Variants in PIEZO2 observed in about 807,000 individuals in gnomAD.
The protein encoded by PIEZO2 is piezo-type mechanosensitive ion channel component 2.
Under a neutral mutation model 337.3 loss-of-function variants are expected in PIEZO2, and 172 were observed. The observed-to-expected ratio is 0.51, with a 90% CI of 0.45 to 0.58. The LOEUF (loss-of-function observed/expected upper bound fraction) is 0.58, where lower values mean the gene tolerates loss of function less well. Among genes scored for constraint, PIEZO2 ranks in the 20% least tolerant of loss-of-function variants. The pLI, the probability that PIEZO2 is intolerant of heterozygous loss-of-function variation, is 0.00. For missense variants in PIEZO2, 3,028 were observed against 3,391.3 expected, an observed-to-expected ratio of 0.89 and a Z score of 2.66; for synonymous variants, 1,251 against 1,228.5, an observed-to-expected ratio of 1.02 and a Z score of -0.38.
chr18:10,903,645 C>A lies in PIEZO2; in HGVS notation c.329+7541G>T, dbSNP rs1215120440. ...CCGAGATCACACCACTGCACTCCAG[C>A]CTGGGCGACAGAGCAAGACTCCATC... On this transcript the variant is annotated intron_variant, in intron 4 of 55. Transcript: ENST00000674853. This position sits in a 1 kb window ranked among gnomAD's most constrained non-coding sequence, Gnocchi z 4.1. Among the ~76,000 whole-genome samples, 2 of 152,074 alleles carry A rather than the reference C, an allele frequency of 1.3e-5. No homozygotes were observed. Among genetic ancestry groups the A allele is most frequent in the Non-Finnish European group, 2.9e-5 (2 of 68,016 alleles).
intron 7 of PIEZO2, among the ~76,000 whole-genome samples, chr18:10,826,377 C>T (rs1391841226): frequency 6.6e-6 from 1 of 152,162 alleles, no homozygotes; most frequent in Non-Finnish European, 1.5e-5. Context: ...TCTAGCCTTC[C>T]CTTGTTGCTT....
At chr18:10,718,978 AAAATAAATAAAT>A (rs372748367) in intron 36 of PIEZO2, among the ~76,000 whole-genome samples, 335 of 143,042 alleles carry the variant, frequency 2.3e-3, no homozygotes, top group South Asian at 9.1e-3. Flanking sequence ...GACCTTGTCT[AAAATAAATAAAT>A]AAATAAATAA....
chr18:10,710,891 A>G (rs961620578), intron 39 of PIEZO2, among the ~76,000 whole-genome samples: 1 of 152,260 alleles, frequency 6.6e-6, no homozygotes, highest in Non-Finnish European at 1.5e-5. Context: ...AGAAAAGGGC[A>G]AGTGAGGTAA....
chr18:11,134,136 G>T (rs890619527), intron 1 of PIEZO2, among the ~76,000 whole-genome samples: 4 of 152,186 alleles, frequency 2.6e-5, no homozygotes, highest in African/African-American at 9.7e-5. Flanking sequence ...ACATTACAGA[G>T]AAATATGAAA....
rs556126221 is a variant in PIEZO2, at chr18:10,876,215, A to G, written c.330-4800T>C. Among the ~76,000 whole-genome samples the G allele has an allele frequency of 1.3e-3, 194 of 152,384 alleles. 2 individuals are homozygous for G. Among genetic ancestry groups the G allele is most frequent in the African/African-American group, 4.4e-3 (182 of 41,598 alleles). ...CCATTAAAACAAAACAAAACAAGAC[A>G]AAAGAGAAAAAAGAAACAGTCATTG... On this transcript the variant is annotated intron_variant, in intron 4 of 55. Transcript: ENST00000674853.
intron 27 of PIEZO2, among the ~76,000 whole-genome samples, chr18:10,755,236 C>T (rs2037789908): frequency 6.6e-6 from 1 of 151,994 alleles, no homozygotes; most frequent in Non-Finnish European, 1.5e-5. Flanking sequence ...GAGAGAGACT[C>T]CATGTGTGGG....
In PIEZO2 at chr18:11,136,921, T is replaced by C. The variant is rs189867470; in HGVS notation, c.64+11604A>G. Among the ~76,000 whole-genome samples the C allele has an allele frequency of 5.3e-5, 8 of 152,366 alleles. No homozygotes were observed. The East Asian group carries it at 1.5e-3, about 29-fold the overall frequency. ...CAAATCTTGTTTATATCATCCTGTG[T>C]TCTTATACGATTGTTTAGCTTCAAT... On this transcript the variant is annotated intron_variant, in intron 1 of 55. Transcript: ENST00000674853.
At chr18:10,808,840 C>T (rs557784749) in intron 7 of PIEZO2, among the ~76,000 whole-genome samples, 4 of 152,296 alleles carry the variant, frequency 2.6e-5, no homozygotes, top group Admixed American at 2.6e-4. Context: ...ATCAGACAAG[C>T]TAGATAGTCT....
At chr18:10,674,152 A>G (rs2143406603) in intron 54 of PIEZO2, among the ~76,000 whole-genome samples, 1 of 152,340 alleles carries the variant, frequency 6.6e-6, no homozygotes, top group East Asian at 1.9e-4. Flanking sequence ...TCAAGGAAGA[A>G]GGTGAACCAC....
chr18:11,086,887 T>G lies in PIEZO2; in HGVS notation c.65-20665A>C, dbSNP rs187299478. 1.1e-3 allele frequency among the ~76,000 whole-genome samples: 161 copies of G among 152,292 alleles called. 1 individual carries two copies. Among genetic ancestry groups the G allele is most frequent in the African/African-American group, 3.8e-3 (158 of 41,548 alleles). ...AAACAAAATGCCTGTCATGTATGTT[T>G]TAGATTAAAATGAGTGGCCAATCCC... On this transcript the variant is annotated intron_variant, in intron 1 of 55. Transcript: ENST00000674853.
chr18:10,774,159 T>C (rs2038704891), intron 18 of PIEZO2, 121 bp from the exon 19 acceptor site: 4 of 662,558 alleles, frequency 6.0e-6, no homozygotes, highest in East Asian at 5.4e-5. Context: ...TGTATGCCTG[T>C]TGCAGTAACG....
At chr18:10,827,976 T>A (rs1189850) in intron 7 of PIEZO2, among the ~76,000 whole-genome samples, 25,603 of 152,080 alleles carry the variant, frequency 0.17, 2,574 homozygotes, top group African/African-American at 0.28. Flanking sequence ...AACTATTAAA[T>A]CTCATGGACA....
Position 11,035,252 on chromosome 18 carries a change from C to T in PIEZO2, c.160+30875G>A, listed in dbSNP as rs1268191462. ...TGGTCCCAGCAGTAATGAGAGAGTT[C>T]TTGCTCTGTTAGTTCACGGAGAGCT... On this transcript the variant is annotated intron_variant, in intron 2 of 55. Transcript: ENST00000674853. This position sits in a 1 kb window ranked among gnomAD's most constrained non-coding sequence, Gnocchi z 4.3. 6.6e-6 allele frequency among the ~76,000 whole-genome samples: 1 copy of T among 152,124 alleles called. No homozygotes were observed. Among genetic ancestry groups the T allele is most frequent in the African/African-American group, 2.4e-5 (1 of 41,420 alleles).
At position 11,104,989 on chromosome 18, in the gene PIEZO2, A is replaced by G. The variant is rs1341955896; in HGVS notation, c.65-38767T>C. Reference sequence around the variant, plus strand: ...GGGACTTTCGCTGGAGCTAATGGAAAAGAGATACTTTTGTCATGGGAATCA... The same window carrying G: ...GGGACTTTCGCTGGAGCTAATGGAAGAGAGATACTTTTGTCATGGGAATCA... On this transcript the variant is annotated intron_variant, in intron 1 of 55. Transcript: ENST00000674853. This position sits in a 1 kb window ranked among gnomAD's most constrained non-coding sequence, Gnocchi z 4.6. 6.6e-6 allele frequency among the ~76,000 whole-genome samples: 1 copy of G among 152,094 alleles called. No individual in the cohort carries two copies.
At chr18:10,705,856 T>C in intron 40 of PIEZO2, 110 bp from the exon 41 acceptor site, 2 of 1,293,192 alleles carry the variant, frequency 1.5e-6, no homozygotes, top group Non-Finnish European at 2.1e-6. Context: ...ATGCCCCATT[T>C]TCCCCCCTGC....
rs1031083520 is a variant in PIEZO2, at chr18:10,805,423, G to A, written c.1081-1429C>T. Among the ~76,000 whole-genome samples, 3 of 152,330 alleles carry A rather than the reference G, an allele frequency of 2.0e-5. No homozygotes were observed. In the South Asian group the frequency reaches 6.2e-4, roughly 32 times the overall value. ...CCCAGCTACTCAGGAGGCTGAGGCA[G>A]GAGAATTGCTTGAACCCAGGAGGCA... On this transcript the variant is annotated intron_variant, in intron 8 of 55. Transcript: ENST00000674853.
intron 5 of PIEZO2, among the ~76,000 whole-genome samples, chr18:10,866,288 CT>C (rs140860572): frequency 0.25 from 34,267 of 139,532 alleles, 3,536 homozygotes; most frequent in East Asian, 0.29. Context: ...ATATCCCTGC[CT>C]TTTTTTTTTT....
chr18:10,880,889 ATAT>A (rs1214022842), intron 4 of PIEZO2, among the ~76,000 whole-genome samples: 9 of 87,794 alleles, frequency 1.0e-4, no homozygotes, highest in East Asian at 7.7e-4. Context: ...ATATATATAT[ATAT>A]ATATATATAA....
rs623589 is a variant in PIEZO2, at chr18:10,673,830, G to C, written c.8162-957C>G. ...CACAGGTGTCCAATCTTTTGGGTTCGCTGGGCCACATTGGAAGAAGAAGAA... is the reference window on the plus strand; with the variant it reads ...CACAGGTGTCCAATCTTTTGGGTTCCCTGGGCCACATTGGAAGAAGAAGAA... On this transcript the variant is annotated intron_variant, in intron 54 of 55. Coordinates refer to ENST00000674853, the MANE Select transcript of PIEZO2 (RefSeq NM_001378183.1). This position sits in a 1 kb window ranked among gnomAD's most constrained non-coding sequence, Gnocchi z 4.8. Among the ~76,000 whole-genome samples, 78,363 of 151,848 alleles carry C rather than the reference G, an allele frequency of 0.52. 20,337 individuals carry two copies. Among genetic ancestry groups the C allele is most frequent in the East Asian group, 0.64 (3,303 of 5,150 alleles).
Sources: allele counts gnomAD v4.1 joint callset (sites outside exome capture counted in the v4.1 genomes callset), GRCh38; gene constraint gnomAD v4.1.1; non-coding constraint Gnocchi (gnomAD v3.1); transcripts MANE v1.5; gene names NCBI Gene and HGNC (gene_info 2026-07-23, HGNC 2026-07-21).